The following PPP1R10 variants were observed in gnomAD, a reference collection of about 807,000 sequenced individuals.
PPP1R10 encodes the protein protein phosphatase 1 regulatory subunit 10.
In PPP1R10, 15 loss-of-function variants were observed where a neutral mutation model predicts 99.0. The observed-to-expected ratio is 0.15, with a 90% CI of 0.10 to 0.23. PPP1R10 has a LOEUF of 0.23. Among genes scored for constraint, PPP1R10 ranks in the 10% least tolerant of loss-of-function variants. PPP1R10 has a pLI of 1.00. For synonymous variants in PPP1R10, 430 were observed against 449.5 expected, an observed-to-expected ratio of 0.96 and a Z score of 0.55; for missense variants, 947 against 1,259.4, an observed-to-expected ratio of 0.75 and a Z score of 3.75.
chr6:30,615,229 TAAAAAAAA>T (rs5875265), intron 2 of PPP1R10, among the ~76,000 whole-genome samples: 2 of 109,762 alleles, frequency 1.8e-5, no homozygotes, highest in Non-Finnish European at 4.0e-5. Flanking sequence ...ACCTTTTTAG[TAAAAAAAA>T]AAAAAAAAAA....
rs1803565585 is a variant in PPP1R10, at chr6:30,603,281, C to G, written c.1772G>C (p.Ser591Thr). The G allele has an allele frequency of 1.2e-6, 2 of 1,612,922 alleles. No homozygotes were observed. The highest frequency in any genetic ancestry group is 1.3e-5 in the African/African-American group (1 of 75,002). The change falls in exon 17 of 20, where the codon AGC becomes ACC. Residue 591 changes from serine (S) to threonine (T), a missense_variant. By Grantham distance (58) the Ser-to-Thr change is moderately conservative (BLOSUM62 1). Transcript: ENST00000376511. ...VQEILTSIMG[S>T]PNSHPSEELL... is the part of the protein sequence containing the mutation. ...TTCCTCTGAAGGATGACTGTTTGGG[C>G]TACCCTGTGAGGATGTAAGAAGGCA...
At chr6:30,605,563 A>G (rs1034785747) in intron 10 of PPP1R10, among the ~76,000 whole-genome samples, 1 of 152,142 alleles carries the variant, frequency 6.6e-6, no homozygotes, top group African/African-American at 2.4e-5. Context: ...ATTCATTCCC[A>G]TAAGAGTTTG....
Position 30,601,537 on chromosome 6 carries a change from G to A in PPP1R10, c.*12C>T, listed in dbSNP as rs1018531696. On this transcript the variant is annotated 3_prime_UTR_variant, in exon 20 of 20. Transcript: ENST00000376511. ...CCACAGGGGTTGTGTGAACAGGGCA[G>A]GCAAATGGTCCCTAGGGCAGGGGGG... 30 of 1,610,978 alleles carry A rather than the reference G, an allele frequency of 1.9e-5. No individual in the cohort carries two copies. Among genetic ancestry groups the A allele is most frequent in the African/African-American group, 5.3e-5 (4 of 74,838 alleles).
chr6:30,614,825 AAAAT>A (rs1391470066), intron 2 of PPP1R10, among the ~76,000 whole-genome samples: 9 of 152,330 alleles, frequency 5.9e-5, no homozygotes, highest in Admixed American at 3.3e-4. Flanking sequence ...AAGGAAAGTG[AAAAT>A]AAAAACTGGT....
chr6:30,601,970 G>A lies in PPP1R10; in HGVS notation c.2679C>T (p.His893=), dbSNP rs778631564. ...GGCTGTGGCCTCCATCGTGCCCTCG[G>A]TGGCCCCCTCCCCCGTGGCCAGGAC... ...HDGPGHGGGG[H]RGHDGGHSHG... Residue 893 remains histidine, a synonymous_variant, in exon 19 of 20, where the codon CAC becomes CAT. Coordinates refer to ENST00000376511, the MANE Select transcript of PPP1R10 (RefSeq NM_002714.4). 7 of 1,512,216 alleles carry A rather than the reference G, an allele frequency of 4.6e-6. No homozygotes were observed. In the African/African-American group the frequency reaches 8.4e-5, roughly 18 times the overall value. The allele number at this position is 1,512,216 out of a possible 1,614,324, so 93.7% of individuals were successfully genotyped here.
Position 30,609,908 on chromosome 6 carries a change from T to C in PPP1R10, c.37A>G (p.Lys13Glu), listed in dbSNP as rs764426749. Residue 13 changes from lysine to glutamate, a missense_variant, in exon 3 of 20, where the codon AAG becomes GAG. Coordinates refer to ENST00000376511, the MANE Select transcript of PPP1R10 (RefSeq NM_002714.4). This position sits in a 1 kb window ranked among gnomAD's most constrained non-coding sequence, Gnocchi z 4.5. Reference sequence around the variant, plus strand: ...CGGTTAAGGAAGCTGTCCAGGCCCTTGAGAAGTTCTTTGGGGTCTATGGGA... The same window carrying C: ...CGGTTAAGGAAGCTGTCCAGGCCCTCGAGAAGTTCTTTGGGGTCTATGGGA... Reference protein sequence around the residue: ...SGPIDPKELLKGLDSFLNRDG... With the variant: ...SGPIDPKELLEGLDSFLNRDG... 3 of 1,614,026 alleles carry C rather than the reference T, an allele frequency of 1.9e-6. No homozygotes were observed. Among genetic ancestry groups the C allele is most frequent in the Admixed American group, 3.3e-5 (2 of 59,990 alleles).
rs1803322921 is a variant in PPP1R10, at chr6:30,601,609, G to A, written c.2763C>T (p.Cys921=). ...VCRHFMMKGN[C]RYENNCAFYH... is the part of the protein sequence containing the mutation. ...AGAAGGCACAGTTGTTCTCATAGCG[G>A]CAGTTGCCCTTCATCATGAAATGTC... The change falls in exon 20 of 20, where the codon TGC becomes TGT. Residue 921 remains cysteine, a synonymous_variant. Coordinates refer to ENST00000376511, the MANE Select transcript of PPP1R10 (RefSeq NM_002714.4). The A allele has an allele frequency of 6.2e-7, 1 of 1,614,126 alleles. No homozygotes were observed.
chr6:30,614,074 T>C (rs1033063202), intron 2 of PPP1R10, among the ~76,000 whole-genome samples: 7 of 152,106 alleles, frequency 4.6e-5, no homozygotes, highest in African/African-American at 1.7e-4. Flanking sequence ...AAAATTAAAA[T>C]TATATGGAGA....
At chr6:30,605,883 G>A (rs747315396) in intron 10 of PPP1R10, 40 bp downstream of exon 10, 1 of 1,355,504 alleles carries the variant, frequency 7.4e-7, no homozygotes, top group East Asian at 2.3e-5. Context: ...AAAAAAGTTT[G>A]CTCCTAATTC....
chr6:30,615,171 C>CA (rs1183749657), intron 2 of PPP1R10, among the ~76,000 whole-genome samples: 10 of 147,094 alleles, frequency 6.8e-5, no homozygotes, highest in African/African-American at 2.5e-4. Context: ...AGGACTTAAA[C>CA]TAAAAAGCCA....
chr6:30,605,497 G>A (rs548656852), intron 10 of PPP1R10, among the ~76,000 whole-genome samples: 1 of 152,194 alleles, frequency 6.6e-6, no homozygotes, highest in Non-Finnish European at 1.5e-5. Context: ...AGAAATCAAA[G>A]GAAAATGGAG....
At chr6:30,608,020 ACT>A (rs2127444290) in intron 5 of PPP1R10, 129 bp from the exon 6 acceptor site, 1 of 938,456 alleles carries the variant, frequency 1.1e-6, no homozygotes, top group Non-Finnish European at 1.6e-6. Flanking sequence ...ACGGAGTCTC[ACT>A]CTGTTGCCCA....
In PPP1R10 at chr6:30,605,480, G is replaced by T. The variant is rs184031455; in HGVS notation, c.854-386C>A. Among the ~76,000 whole-genome samples, 173 of 152,166 alleles carry T rather than the reference G, an allele frequency of 1.1e-3. 6 individuals are homozygous for T. Among genetic ancestry groups the T allele is most frequent in the Admixed American group, 0.01 (158 of 15,274 alleles). ...AGTTCCAGAGGTACAAAAAGTAAGGGATACCAAGAAATCAAAGGAAAATGG... is the reference window on the plus strand; with the variant it reads ...AGTTCCAGAGGTACAAAAAGTAAGGTATACCAAGAAATCAAAGGAAAATGG... On this transcript the variant is annotated intron_variant, in intron 10 of 19. Transcript: ENST00000376511.
intron 5 of PPP1R10, 71 bp downstream of exon 5, chr6:30,608,708 G>GT: frequency 1.3e-6 from 2 of 1,514,544 alleles, no homozygotes; most frequent in Non-Finnish European, 1.8e-6. Context: ...AGCCACATCA[G>GT]TCAGTTTGAG....
At position 30,602,227 on chromosome 6, in the gene PPP1R10, T is replaced by C. The variant is rs1407435447; in HGVS notation, c.2422A>G (p.Ser808Gly). The stretch of plus-strand genomic sequence containing the variant: ...TGGGGACGATGGCCACTGCCACCAC[T>C]GATGCCACCGCCAGGGCCTTCGTGG... ...RPHEGPGGGI[S>G]GGSGHRPHEG... The change falls in exon 19 of 20, where the codon AGT (serine) becomes GGT (glycine). Residue 808 changes from serine to glycine, a missense_variant. Ser to Gly is a moderately conservative substitution (Grantham distance 56). Coordinates refer to ENST00000376511, the MANE Select transcript of PPP1R10 (RefSeq NM_002714.4). The surrounding 1 kb of genome is among the most constrained non-coding windows in gnomAD (Gnocchi z 6.7). 1 of 1,601,100 alleles carries C rather than the reference T, an allele frequency of 6.2e-7. No individual in the cohort carries two copies.
chr6:30,608,124 G>A (rs1394627706), intron 5 of PPP1R10, among the ~76,000 whole-genome samples: 1 of 151,762 alleles, frequency 6.6e-6, no homozygotes, highest in Admixed American at 6.6e-5. Flanking sequence ...AAATAACTGA[G>A]ACTACAGGCA....
At chr6:30,615,909 T>G (rs1240922586) in intron 2 of PPP1R10, among the ~76,000 whole-genome samples, 1 of 152,190 alleles carries the variant, frequency 6.6e-6, no homozygotes, top group Admixed American at 6.5e-5. Context: ...CAAATTACAT[T>G]AAAATTGAGA....
At position 30,602,423 on chromosome 6, in the gene PPP1R10, A is replaced by C. The variant is rs186739711; in HGVS notation, c.2226T>G (p.Gly742=). The part of the protein sequence containing the change: ...GGPPNGRGGP[G]GGMVGGGGHR... ...GCCCACCACCTCCAACCATGCCCCC[A>C]CCAGGGCCCCCTCGTCCATTTGGGG... Residue 742 remains glycine (G), a synonymous_variant, in exon 19 of 20, where the codon GGT becomes GGG. Coordinates refer to ENST00000376511, the MANE Select transcript of PPP1R10 (RefSeq NM_002714.4). This position sits in a 1 kb window ranked among gnomAD's most constrained non-coding sequence, Gnocchi z 6.7. 6.8e-6 allele frequency: 11 copies of C among 1,609,286 alleles called. No individual in the cohort carries two copies. The highest frequency in any genetic ancestry group is 3.3e-5 in the South Asian group (3 of 90,878).
In PPP1R10 at chr6:30,605,094, G is replaced by A. The variant is rs767488672; in HGVS notation, c.854C>T (p.Pro285Leu). The A allele has an allele frequency of 1.9e-6, 3 of 1,612,234 alleles. No individual in the cohort carries two copies. Among genetic ancestry groups the A allele is most frequent in the Non-Finnish European group, 2.5e-6 (3 of 1,179,652 alleles). Residue 285 changes from proline to leucine, a missense_variant and splice_region_variant, in exon 11 of 20, where the codon CCT (proline) becomes CTT (leucine). Physicochemically the swap from Pro to Leu is moderately conservative, Grantham distance 98 (BLOSUM62 -3). This residue lies in a region of PPP1R10 where 26 missense variants were observed against 56.6 expected (regional missense o/e 0.46). Coordinates refer to ENST00000376511, the MANE Select transcript of PPP1R10 (RefSeq NM_002714.4). Reference protein sequence around the residue: ...EIKVKIIPPQPMEGLGFLDAL... With the variant: ...EIKVKIIPPQLMEGLGFLDAL... ...ATCCAGAAAGCCCAGGCCCTCCATA[G>A]CTACAAAAAGAAAGAGCACCAAATG...
Sources: gnomAD v4.1 joint callset for allele counts (sites outside exome capture counted in the v4.1 genomes callset) on GRCh38, gnomAD v4.1.1 for gene constraint, gnomAD v4.1.1 regional missense constraint, Gnocchi (gnomAD v3.1) non-coding constraint, MANE v1.5 for transcripts, NCBI Gene and HGNC (gene_info 2026-07-23, HGNC 2026-07-21) for gene names.